The following RAPGEF2 variants were observed in gnomAD, a reference collection of about 807,000 sequenced individuals.
RAPGEF2 encodes the protein Rap guanine nucleotide exchange factor 2.
RAPGEF2 carries 54 observed loss-of-function variants against 186.7 expected under a neutral mutation model. The ratio of observed to expected loss-of-function variants is 0.29; its 90% CI spans 0.23 to 0.36. The LOEUF (loss-of-function observed/expected upper bound fraction) is 0.36. Among genes scored for constraint, RAPGEF2 ranks in the 10% least tolerant of loss-of-function variants. RAPGEF2 has a pLI of 1.00. For missense variants in RAPGEF2, 1,532 were observed against 2,045.0 expected (o/e 0.75, Z 4.84); for synonymous variants, 712 against 705.9 (o/e 1.01, Z -0.14).
chr4:159,311,107 T>C (rs1368877482), intron 8 of RAPGEF2, among the ~76,000 whole-genome samples: 1 of 152,176 alleles, frequency 6.6e-6, no homozygotes, highest in East Asian at 1.9e-4. Flanking sequence ...TTGCTTACAT[T>C]GAACAACTTA....
In RAPGEF2 at chr4:159,353,873, A is replaced by C; in HGVS notation, c.4478A>C (p.Tyr1493Ser). 6.2e-7 allele frequency: 1 copy of C among 1,614,210 alleles called. No individual in the cohort carries two copies. Among genetic ancestry groups the C allele is most frequent in the Non-Finnish European group, 8.5e-7 (1 of 1,180,022 alleles). ...SRASWASSTG[Y>S]WGEDSEGDTG... ...GCAAGCTGGGCGTCTTCCACAGGTTACTGGGGAGAAGACTCAGAAGGTGAC... is the reference window on the plus strand; with the variant it reads ...GCAAGCTGGGCGTCTTCCACAGGTTCCTGGGGAGAAGACTCAGAAGGTGAC... Residue 1493 changes from tyrosine (Y) to serine (S), a missense_variant, in exon 28 of 30, where the codon TAC becomes TCC. Around this residue, in one of 4 missense-constraint regions of RAPGEF2, gnomAD observed 594 missense variants for 608.5 expected, o/e 0.98. Coordinates refer to ENST00000691494, the MANE Select transcript of RAPGEF2 (RefSeq NM_001394067.2). The surrounding 1 kb of genome is among the most constrained non-coding windows in gnomAD (Gnocchi z 4.3).
At chr4:159,343,464 C>T in intron 22 of RAPGEF2, 60 bp downstream of exon 22, 1 of 1,571,556 alleles carries the variant, frequency 6.4e-7, no homozygotes, top group South Asian at 1.2e-5. Context: ...TTAGAGCTTC[C>T]CAATAAATGA....
intron 7 of RAPGEF2, among the ~76,000 whole-genome samples, chr4:159,298,096 G>C (rs1303859429): frequency 6.6e-6 from 1 of 152,154 alleles, no homozygotes; most frequent in East Asian, 1.9e-4. Context: ...AATTTTTGCA[G>C]ACCTATTCTT....
chr4:159,350,685 C>A (rs896385312), intron 26 of RAPGEF2, among the ~76,000 whole-genome samples: 1 of 152,160 alleles, frequency 6.6e-6, no homozygotes. Context: ...TGTATTAACA[C>A]AGGTCTTGAT....
intron 7 of RAPGEF2, among the ~76,000 whole-genome samples, chr4:159,245,698 T>G (rs774658625): frequency 3.9e-5 from 6 of 152,090 alleles, no homozygotes; most frequent in Non-Finnish European, 8.8e-5. Context: ...ACTTTTACCT[T>G]ATTGGAGTGA....
At chr4:159,248,332 C>A (rs200095534) in intron 7 of RAPGEF2, among the ~76,000 whole-genome samples, 3 of 152,104 alleles carry the variant, frequency 2.0e-5, no homozygotes, top group Admixed American at 1.3e-4. Context: ...GATATACATA[C>A]AAATAAAACC....
rs756374875 is a variant in RAPGEF2 at position 159,352,876 on chromosome 4, C to T, written c.4057C>T (p.Arg1353Trp). The change falls in exon 27 of 30, where the codon CGG becomes TGG. Residue 1353 changes from arginine to tryptophan, a missense_variant. Transcript: ENST00000691494. ...TNLGMGRMERRTMIEPDQYSL... is the reference protein window; with the variant it reads ...TNLGMGRMERWTMIEPDQYSL... ...CCTAGGGATGGGCAGGATGGAGAGG[C>T]GGACCATGATTGAACCTGATCAGTA... The T allele has an allele frequency of 2.5e-6, 4 of 1,614,128 alleles. No individual in the cohort carries two copies. Among genetic ancestry groups the T allele is most frequent in the Non-Finnish European group, 3.4e-6 (4 of 1,179,994 alleles).
intron 1 of RAPGEF2, among the ~76,000 whole-genome samples, chr4:159,124,714 C>G (rs1284011447): frequency 2.0e-5 from 3 of 151,994 alleles, no homozygotes; most frequent in Non-Finnish European, 2.9e-5. Flanking sequence ...ATTTTTTCTT[C>G]CTAAATATAG....
chr4:159,251,415 T>A (rs2039372847), intron 7 of RAPGEF2, among the ~76,000 whole-genome samples: 1 of 152,200 alleles, frequency 6.6e-6, no homozygotes, highest in Non-Finnish European at 1.5e-5. Context: ...TGGAGAACTT[T>A]TGTGTCTAGC....
chr4:159,351,120 C>G (rs1391838815), intron 26 of RAPGEF2: 1 of 1,535,418 alleles, frequency 6.5e-7, no homozygotes, highest in Admixed American at 2.0e-5. Flanking sequence ...CCAGTTCCTC[C>G]TCTTCTCTTG....
chr4:159,203,131 C>T (rs1749624794), intron 3 of RAPGEF2, among the ~76,000 whole-genome samples: 1 of 152,126 alleles, frequency 6.6e-6, no homozygotes, highest in African/African-American at 2.4e-5. Flanking sequence ...GAATGTGGAG[C>T]GGCACACACA....
chr4:159,180,546 C>G (rs972632384), intron 1 of RAPGEF2, among the ~76,000 whole-genome samples: 4 of 152,020 alleles, frequency 2.6e-5, no homozygotes, highest in African/African-American at 9.7e-5. Flanking sequence ...TGGCACAGAC[C>G]GTTTAAAACA....
In RAPGEF2 at chr4:159,358,686, G is replaced by A. The variant is rs1732388424; in HGVS notation, c.*547G>A. The A allele has an allele frequency of 6.7e-6, 1 of 149,246 alleles. No homozygotes were observed. Among genetic ancestry groups the A allele is most frequent in the Admixed American group, 6.7e-5 (1 of 14,972 alleles). The allele number at this position is 149,246 out of a possible 1,614,324, so 9.2% of individuals were successfully genotyped here. On this transcript the variant is annotated 3_prime_UTR_variant, in exon 30 of 30. Coordinates refer to ENST00000691494, the MANE Select transcript of RAPGEF2 (RefSeq NM_001394067.2). ...TGTCCTCCTTTTAAAAAAAAAAAAT[G>A]AGTTTAAAGATTTTGTTCAGAGAGT...
At chr4:159,241,518 TG>T in intron 6 of RAPGEF2, 150 bp downstream of exon 6, 1 of 245,480 alleles carries the variant, frequency 4.1e-6, no homozygotes, top group East Asian at 8.2e-5. Flanking sequence ...TATTTTTATT[TG>T]TTATATTAAT....
chr4:159,335,256 G>C (rs1767240653), intron 17 of RAPGEF2, among the ~76,000 whole-genome samples: 1 of 152,140 alleles, frequency 6.6e-6, no homozygotes, highest in African/African-American at 2.4e-5. Flanking sequence ...ATTCAGATTT[G>C]GTTGCCAAGT....
chr4:159,337,023 C>T (rs1350544501), intron 17 of RAPGEF2, among the ~76,000 whole-genome samples: 1 of 152,048 alleles, frequency 6.6e-6, no homozygotes, highest in African/African-American at 2.4e-5. Flanking sequence ...AACAGTTGAC[C>T]CTTCAAATCT....
intron 2 of RAPGEF2, among the ~76,000 whole-genome samples, chr4:159,189,027 A>G (rs1047975813): frequency 2.5e-4 from 28 of 112,842 alleles, no homozygotes; most frequent in Non-Finnish European, 2.8e-4. Flanking sequence ...AGATAAACCC[A>G]ACAACTTAAA....
chr4:159,281,687 AAAAG>A (rs1554025350), intron 7 of RAPGEF2, among the ~76,000 whole-genome samples: 1 of 146,908 alleles, frequency 6.8e-6, no homozygotes, highest in South Asian at 2.1e-4. Context: ...AAAAAAAAAA[AAAAG>A]AAAAGGAAAA....
chr4:159,330,450 G>C lies in RAPGEF2; in HGVS notation c.1419G>C (p.Val473=). Residue 473 remains valine, a synonymous_variant, in exon 13 of 30, where the codon GTG becomes GTC. Coordinates refer to ENST00000691494, the MANE Select transcript of RAPGEF2 (RefSeq NM_001394067.2). ...CTTTTCTTTCTAGCCCAATGGAAGTGGGCAAAAAGTTATTGGAGTGGTTTA... is the reference window on the plus strand; with the variant it reads ...CTTTTCTTTCTAGCCCAATGGAAGTCGGCAAAAAGTTATTGGAGTGGTTTA... The part of the protein sequence containing the change: ...YRTFLSSPME[V]GKKLLEWFND... The C allele has an allele frequency of 6.2e-7, 1 of 1,606,298 alleles. No individual in the cohort carries two copies. The highest frequency in any genetic ancestry group is 8.5e-7 in the Non-Finnish European group (1 of 1,177,836).
Sources: gnomAD v4.1 joint callset for allele counts (sites outside exome capture counted in the v4.1 genomes callset) on GRCh38, gnomAD v4.1.1 for gene constraint, gnomAD v4.1.1 regional missense constraint, Gnocchi (gnomAD v3.1) non-coding constraint, MANE v1.5 for transcripts, NCBI Gene and HGNC (gene_info 2026-07-23, HGNC 2026-07-21) for gene names.